AASS: variants seen among roughly 807,000 people sequenced by gnomAD.
The protein encoded by AASS is aminoadipate-semialdehyde synthase, also known as alpha-aminoadipic semialdehyde synthase, mitochondrial.
In AASS, 86 loss-of-function variants were observed where a neutral mutation model predicts 105.4. The ratio of observed to expected loss-of-function variants is 0.82; its 90% CI spans 0.69 to 0.98. The LOEUF (loss-of-function observed/expected upper bound fraction) is 0.98. Among genes scored for constraint, AASS ranks in the 50% least tolerant of loss-of-function variants. AASS has a pLI of 0.00. For synonymous variants in AASS, 381 were observed against 394.8 expected (o/e 0.96, Z 0.41); for missense variants, 1,048 against 1,143.2 (o/e 0.92, Z 1.20).
In AASS at chr7:122,101,432, T is replaced by G. The variant is rs768275798; in HGVS notation, c.1345A>C (p.Ile449Leu). Residue 449 changes from isoleucine (I) to leucine (L), a missense_variant, in exon 13 of 24, where the codon ATT becomes CTT. Ile to Leu is a conservative substitution (Grantham distance 5). Coordinates refer to ENST00000417368, the MANE Select transcript of AASS (RefSeq NM_005763.4). ...TCAGGTAATGTACCGTTGGATGTAA[T>G]CACTGCCTAAATGTATATGACACAA... is the stretch of plus-strand genomic sequence containing the variant. ...NFSPVVRDAV[I>L]TSNGTLPDKY... is the part of the protein sequence containing the mutation. 2.5e-5 allele frequency: 41 copies of G among 1,609,670 alleles called. No individual in the cohort carries two copies. The South Asian group carries it at 3.8e-4, about 15-fold the overall frequency.
At position 122,078,017 on chromosome 7, in the gene AASS, T is replaced by C. The variant is rs765058679; in HGVS notation, c.2486-3A>G. 7.4e-6 allele frequency: 12 copies of C among 1,613,006 alleles called. No homozygotes were observed. Among genetic ancestry groups the C allele is most frequent in the Non-Finnish European group, 8.5e-6 (10 of 1,179,108 alleles). ...AATCATATCTTTTTCTTCAGGACCT[T>C]AAAACAAATAAAGATAAGTAAAAAT... On this transcript the variant is annotated splice_region_variant and splice_polypyrimidine_tract_variant and intron_variant, in intron 22 of 23. Transcript: ENST00000417368.
chr7:122,111,273 A>T (rs1164804091), intron 11 of AASS, among the ~76,000 whole-genome samples: 1 of 152,184 alleles, frequency 6.6e-6, no homozygotes, highest in Non-Finnish European at 1.5e-5. Flanking sequence ...CCAAAACAAA[A>T]TTTTTAAAAA....
rs778726238 is a variant in AASS at position 122,118,449 on chromosome 7, A to G, written c.545T>C (p.Ile182Thr). 10 of 1,614,148 alleles carry G rather than the reference A, an allele frequency of 6.2e-6. No individual in the cohort carries two copies. In the South Asian group the frequency reaches 1.1e-4, roughly 18 times the overall value. Residue 182 changes from isoleucine (I) to threonine (T), a missense_variant, in exon 6 of 24, where the codon ATT becomes ACT. Transcript: ENST00000417368. ...ATTCCTGTAGTTATGAGCCATGCCA[A>G]TGTGCTGAAAACAAACATACACAAC... ...ALGHHTPFMH[I>T]GMAHNYRNSS...
chr7:122,103,480 A>G (rs1406279096), intron 11 of AASS, among the ~76,000 whole-genome samples: 2 of 152,108 alleles, frequency 1.3e-5, no homozygotes, highest in African/African-American at 4.8e-5. Context: ...TTCAAGTAGA[A>G]AAAAAGAACA....
chr7:122,104,600 A>G (rs1794580580), intron 11 of AASS, among the ~76,000 whole-genome samples: 3 of 152,126 alleles, frequency 2.0e-5, no homozygotes, highest in Admixed American at 2.0e-4. Context: ...AAAAATAAAC[A>G]AACAATGAAA....
chr7:122,113,923 CAAAAAAA>C (rs776611119), intron 9 of AASS, among the ~76,000 whole-genome samples: 6 of 56,274 alleles, frequency 1.1e-4, no homozygotes, highest in African/African-American at 1.9e-4. Flanking sequence ...TTTTAGTCTC[CAAAAAAA>C]AAAAAAAAAA....
intron 20 of AASS, 140 bp from the exon 21 acceptor site, chr7:122,079,852 G>A (rs866101772): frequency 1.5e-6 from 1 of 680,234 alleles, no homozygotes; most frequent in Non-Finnish European, 2.7e-6. Context: ...ATAGGAAATT[G>A]TAACACATAC....
chr7:122,076,942 A>G (rs978084443), intron 23 of AASS, among the ~76,000 whole-genome samples: 10 of 152,180 alleles, frequency 6.6e-5, no homozygotes, highest in Non-Finnish European at 1.3e-4. Flanking sequence ...TAACTTGCTA[A>G]TGTCATTTTT....
intron 6 of AASS, 108 bp from the exon 7 acceptor site, chr7:122,117,065 C>A: frequency 1.0e-6 from 1 of 997,910 alleles, no homozygotes; most frequent in Non-Finnish European, 1.6e-6. Flanking sequence ...CTCCACTTGC[C>A]TTCCCTACAA....
Position 122,121,663 on chromosome 7 carries a change from G to A in AASS, c.473-3033C>T, listed in dbSNP as rs79676153. Among the ~76,000 whole-genome samples the A allele has an allele frequency of 6.1e-3, 933 of 152,264 alleles. 11 individuals are homozygous for A. The highest frequency in any genetic ancestry group is 0.021 in the African/African-American group (876 of 41,544). The stretch of plus-strand genomic sequence containing the variant: ...CCTGCCCTGGACTCCCAAAGTGAGC[G>A]ACTGGGCCCAGCCCTAAAGAAAAGT... On this transcript the variant is annotated intron_variant, in intron 4 of 23. Coordinates refer to ENST00000417368, the MANE Select transcript of AASS (RefSeq NM_005763.4).
intron 1 of AASS, among the ~76,000 whole-genome samples, chr7:122,142,797 T>C (rs1201519947): frequency 1.3e-5 from 2 of 152,242 alleles, no homozygotes; most frequent in African/African-American, 2.4e-5. Flanking sequence ...GAAAATGTTT[T>C]GTTAAATGGT....
chr7:122,109,820 C>T (rs1044728671), intron 11 of AASS, among the ~76,000 whole-genome samples: 5 of 151,770 alleles, frequency 3.3e-5, no homozygotes, highest in Non-Finnish European at 7.4e-5. Flanking sequence ...TTACATCAAA[C>T]TAAAAAGCTT....
chr7:122,096,595 T>G (rs1405231046), intron 15 of AASS, among the ~76,000 whole-genome samples: 1 of 151,832 alleles, frequency 6.6e-6, no homozygotes, highest in Non-Finnish European at 1.5e-5. Context: ...GCCACTGCAT[T>G]CCAGCCTGGG....
rs192024294 is a variant in AASS, at chr7:122,122,762, T to A, written c.472+3613A>T. Among the ~76,000 whole-genome samples, 28 of 152,318 alleles carry A rather than the reference T, an allele frequency of 1.8e-4. No homozygotes were observed. The South Asian group carries it at 3.5e-3, about 19-fold the overall frequency. On this transcript the variant is annotated intron_variant, in intron 4 of 23. Transcript: ENST00000417368. ...TATGTTCTCTAATCCTCTGCTTATG[T>A]ATAGATTTTCGTCCGTGGTATCTAT... is the stretch of plus-strand genomic sequence containing the variant.
At chr7:122,087,483 A>G (rs1793685100) in intron 18 of AASS, among the ~76,000 whole-genome samples, 1 of 152,176 alleles carries the variant, frequency 6.6e-6, no homozygotes, top group Admixed American at 6.5e-5. Context: ...CAGAGTAAAC[A>G]TTTCCAAAGG....
chr7:122,118,757 G>A, intron 4 of AASS, 127 bp from the exon 5 acceptor site: 1 of 928,212 alleles, frequency 1.1e-6, no homozygotes. Flanking sequence ...ATTTAGAAGA[G>A]GCCTCAGTAG....
intron 4 of AASS, among the ~76,000 whole-genome samples, chr7:122,124,395 G>T (rs1324630268): frequency 6.6e-6 from 1 of 152,118 alleles, no homozygotes; most frequent in Non-Finnish European, 1.5e-5. Context: ...CAATTCTCCT[G>T]CTTTAGCCTC....
chr7:122,088,776 G>C (rs910220728), intron 18 of AASS, among the ~76,000 whole-genome samples: 7 of 152,126 alleles, frequency 4.6e-5, no homozygotes, highest in African/African-American at 1.4e-4. Flanking sequence ...TGCCAGGTTA[G>C]ACTGGGAAAC....
In AASS at chr7:122,103,385, G is replaced by T. The variant is rs73442842; in HGVS notation, c.1279-1705C>A. The stretch of plus-strand genomic sequence containing the variant: ...AAAGCTGTCCTTCAGAAAAAAAGAA[G>T]AAATAAACTCTTTCCCAGACAAGCA... On this transcript the variant is annotated intron_variant, in intron 11 of 23. Transcript: ENST00000417368. Among the ~76,000 whole-genome samples the T allele has an allele frequency of 3.8e-3, 585 of 152,012 alleles. 4 individuals carry two copies. The highest frequency in any genetic ancestry group is 0.013 in the African/African-American group (556 of 41,496).
Sources: gnomAD v4.1 joint callset for allele counts (sites outside exome capture counted in the v4.1 genomes callset) on GRCh38, gnomAD v4.1.1 for gene constraint, MANE v1.5 for transcripts, NCBI Gene and HGNC (gene_info 2026-07-23, HGNC 2026-07-21) for gene names.